INPP5B: variants seen among roughly 807,000 people sequenced by gnomAD.
INPP5B encodes the protein type II inositol 1,4,5-trisphosphate 5-phosphatase.
Under a neutral mutation model 118.5 loss-of-function variants are expected in INPP5B, and 90 were observed. That is an observed-to-expected ratio of 0.76 (90% CI 0.64 to 0.90). The LOEUF is 0.90. Among genes scored for constraint, INPP5B ranks in the 40% least tolerant of loss-of-function variants. The pLI is 0.00. For missense variants in INPP5B, 984 were observed against 1,125.6 expected (o/e 0.87, Z 1.80); for synonymous variants, 385 against 418.9 (o/e 0.92, Z 0.99).
chr1:37,946,382 T>C lies in INPP5B; in HGVS notation c.-26-48A>G. On this transcript the variant is annotated intron_variant, in intron 1 of 23. Coordinates refer to ENST00000373024, the MANE Select transcript of INPP5B (RefSeq NM_005540.3). ...CCCGCTTTGGTCAACAAGTTACGCA[T>C]GGGGTGGTGGAGCTGCCTCAGAGGG... The C allele has an allele frequency of 2.8e-6, 4 of 1,410,336 alleles. No individual in the cohort carries two copies. In the South Asian group the frequency reaches 3.6e-5, roughly 13 times the overall value. The allele number at this position is 1,410,336 out of a possible 1,614,324, so 87.4% of individuals were successfully genotyped here.
chr1:37,928,462 G>A (rs1405037279), intron 7 of INPP5B: 3 of 152,432 alleles, frequency 2.0e-5, no homozygotes, highest in African/African-American at 7.2e-5. Context: ...AGGTTCAAGC[G>A]GTTCTCCTGC....
chr1:37,901,933 T>C (rs1402801247), intron 7 of INPP5B, among the ~76,000 whole-genome samples: 1 of 152,066 alleles, frequency 6.6e-6, no homozygotes, highest in Non-Finnish European at 1.5e-5. Context: ...TAGGTGACAA[T>C]AGATATTTTT....
chr1:37,883,055 T>C (rs1643302964), intron 13 of INPP5B, 137 bp from the exon 14 acceptor site: 1 of 1,438,504 alleles, frequency 7.0e-7, no homozygotes, highest in East Asian at 2.5e-5. Context: ...GTTCGGAAAA[T>C]TTTTTTCTCT....
chr1:37,903,909 T>A (rs1019235801), intron 7 of INPP5B, among the ~76,000 whole-genome samples: 1 of 152,204 alleles, frequency 6.6e-6, no homozygotes, highest in African/African-American at 2.4e-5. Flanking sequence ...ATAAAATATT[T>A]TTTGTCAGAA....
At chr1:37,882,979 G>C (rs1643297873) in intron 13 of INPP5B, 61 bp from the exon 14 acceptor site, 2 of 1,586,238 alleles carry the variant, frequency 1.3e-6, no homozygotes, top group Non-Finnish European at 1.7e-6. Context: ...GATCTACCCA[G>C]GGTGCTTCTG....
chr1:37,883,461 A>T (rs764939338), intron 13 of INPP5B: 4 of 985,456 alleles, frequency 4.1e-6, no homozygotes, highest in Non-Finnish European at 4.8e-6. Flanking sequence ...TGGAGTGTAG[A>T]AGGTGTTTGA....
chr1:37,936,576 A>G (rs548032020), intron 6 of INPP5B, among the ~76,000 whole-genome samples: 150 of 152,178 alleles, frequency 9.9e-4, no homozygotes, highest in South Asian at 2.3e-3. Flanking sequence ...ATACAAGATC[A>G]TGCCACTGCA....
rs57582108 is a variant in INPP5B, at chr1:37,866,406, TCA to T, written c.2386+51_2386+52del. Reference sequence around the variant, plus strand: ...CATATTCTCTCTCTCTCTCTCTCTCTCACACACACACACACACACACACACAC... The same window carrying T: ...CATATTCTCTCTCTCTCTCTCTCTCTCACACACACACACACACACACACAC... On this transcript the variant is annotated intron_variant, in intron 21 of 23. Coordinates refer to ENST00000373024, the MANE Select transcript of INPP5B (RefSeq NM_005540.3). 1.5e-3 allele frequency: 612 copies of T among 401,700 alleles called. 1 individual carries two copies. Among genetic ancestry groups the T allele is most frequent in the East Asian group, 4.4e-3 (85 of 19,450 alleles). The allele number at this position is 401,700 out of a possible 1,614,324, so 24.9% of individuals were successfully genotyped here.
At chr1:37,939,590 G>A (rs995390360) in intron 6 of INPP5B, among the ~76,000 whole-genome samples, 2 of 149,930 alleles carry the variant, frequency 1.3e-5, no homozygotes, top group Non-Finnish European at 3.0e-5. Context: ...GACTATAGGC[G>A]CCCGCCACCA....
rs1195442026 is a variant in INPP5B at position 37,945,235 on chromosome 1, A to G, written c.152+521T>C. Reference sequence around the variant, plus strand: ...AACTTGAGGTCAGGACTTCAAGACCAGCCTGGCCAACGTGGTGAAACCCTG... The same window carrying G: ...AACTTGAGGTCAGGACTTCAAGACCGGCCTGGCCAACGTGGTGAAACCCTG... On this transcript the variant is annotated intron_variant, in intron 3 of 23. Coordinates refer to ENST00000373024, the MANE Select transcript of INPP5B (RefSeq NM_005540.3). Among the ~76,000 whole-genome samples, 3 of 152,320 alleles carry G rather than the reference A, an allele frequency of 2.0e-5. No homozygotes were observed. The East Asian group carries it at 5.8e-4, about 30-fold the overall frequency.
chr1:37,934,893 CTT>C (rs138547948), intron 6 of INPP5B, among the ~76,000 whole-genome samples: 2 of 148,252 alleles, frequency 1.3e-5, no homozygotes, highest in Admixed American at 6.7e-5. Context: ...AGGCGGTGTT[CTT>C]TTTTTTTTTA....
chr1:37,881,972 G>A (rs954963850), intron 14 of INPP5B, among the ~76,000 whole-genome samples: 2 of 151,988 alleles, frequency 1.3e-5, no homozygotes, highest in African/African-American at 4.8e-5. Context: ...ACTGGCACGT[G>A]CCTGTAGTCC....
rs1436859422 is a variant in INPP5B, at chr1:37,874,172, G to C, written c.1789-17C>G. 1 of 1,540,588 alleles carries C rather than the reference G, an allele frequency of 6.5e-7. No homozygotes were observed. Among genetic ancestry groups the C allele is most frequent in the South Asian group, 1.2e-5 (1 of 82,964 alleles). On this transcript the variant is annotated splice_polypyrimidine_tract_variant and intron_variant, in intron 17 of 23. Transcript: ENST00000373024. The stretch of plus-strand genomic sequence containing the variant: ...AAAACAGAACTGGGAAGAAGCCCGG[G>C]GCCAGTGAAAACCAGTGCCCTTTCC...
intron 7 of INPP5B, among the ~76,000 whole-genome samples, chr1:37,899,992 G>C (rs1644269622): frequency 2.6e-5 from 4 of 151,900 alleles, no homozygotes; most frequent in Admixed American, 1.3e-4. Flanking sequence ...AGGATTACAG[G>C]CGTGAGCCAC....
intron 7 of INPP5B, chr1:37,930,659 G>A (rs1483177092): frequency 6.6e-6 from 1 of 152,250 alleles, no homozygotes; most frequent in Non-Finnish European, 1.5e-5. Context: ...CAGGCGCTTC[G>A]ATCGCACCTT....
At chr1:37,938,299 A>AATCAATC (rs1645780480) in intron 6 of INPP5B, among the ~76,000 whole-genome samples, 1 of 149,780 alleles carries the variant, frequency 6.7e-6, no homozygotes, top group East Asian at 1.9e-4. Flanking sequence ...ATAAATAAAT[A>AATCAATC]AATAAAATTA....
At chr1:37,909,695 C>T (rs1394841816) in intron 7 of INPP5B, among the ~76,000 whole-genome samples, 1 of 152,132 alleles carries the variant, frequency 6.6e-6, no homozygotes, top group African/African-American at 2.4e-5. Context: ...TATTACCCAA[C>T]CCACTCCTGA....
At chr1:37,867,700 T>G (rs988976354) in intron 20 of INPP5B, among the ~76,000 whole-genome samples, 1 of 152,230 alleles carries the variant, frequency 6.6e-6, no homozygotes, top group Non-Finnish European at 1.5e-5. Context: ...GCTTGTAGTT[T>G]GTATAGGTCT....
chr1:37,908,023 C>T (rs569375757), intron 7 of INPP5B, among the ~76,000 whole-genome samples: 28 of 151,948 alleles, frequency 1.8e-4, no homozygotes, highest in Non-Finnish European at 3.2e-4. Flanking sequence ...TAATATTCTC[C>T]CCCGCCCTTA....
Sources: allele counts gnomAD v4.1 joint callset (sites outside exome capture counted in the v4.1 genomes callset), GRCh38; gene constraint gnomAD v4.1.1; transcripts MANE v1.5; gene names NCBI Gene and HGNC (gene_info 2026-07-23, HGNC 2026-07-21).